RUNX1: variants seen among roughly 807,000 people sequenced by gnomAD.
RUNX1 encodes the protein RUNX family transcription factor 1.
RUNX1 carries 19 observed loss-of-function variants against 42.8 expected under a neutral mutation model. That is an observed-to-expected ratio of 0.44 (90% confidence interval 0.31 to 0.65). The LOEUF is 0.65. Among genes scored for constraint, RUNX1 ranks in the 30% least tolerant of loss-of-function variants. RUNX1 has a pLI of 0.07. For missense variants in RUNX1, 528 were observed against 672.0 expected (o/e 0.79, Z 2.37); for synonymous variants, 271 against 289.4 (o/e 0.94, Z 0.64).
chr21:34,842,669 C>T (rs2146122831), intron 6 of RUNX1, among the ~76,000 whole-genome samples: 1 of 152,222 alleles, frequency 6.6e-6, no homozygotes, highest in Middle Eastern at 3.4e-3. Context: ...CTCACACGCA[C>T]ACACAGAGAG....
chr21:34,826,134 A>G (rs2056983631), intron 7 of RUNX1, among the ~76,000 whole-genome samples: 1 of 152,208 alleles, frequency 6.6e-6, no homozygotes, highest in Admixed American at 6.5e-5. Flanking sequence ...ATGTCCCTCA[A>G]AAGTTCACAT....
At chr21:34,991,542 TACG>T (rs939813794) in intron 2 of RUNX1, among the ~76,000 whole-genome samples, 4 of 71,346 alleles carry the variant, frequency 5.6e-5, no homozygotes, top group East Asian at 3.1e-4. Flanking sequence ...TAGCAGGGAT[TACG>T]ATGATGATGA....
chr21:34,948,958 C>G lies in RUNX1; in HGVS notation c.59-55995G>C, dbSNP rs374747556. Among the ~76,000 whole-genome samples the G allele has an allele frequency of 2.9e-4, 44 of 152,142 alleles. 2 individuals are homozygous for G. The highest frequency in any genetic ancestry group is 1.0e-3 in the African/African-American group (43 of 41,524). On this transcript the variant is annotated intron_variant, in intron 2 of 8. Transcript: ENST00000675419. Reference sequence around the variant, plus strand: ...TTAAGTAGAGACAGGGTTTCACCATCTTGGCCAGGCTGGTCTTGAACTCCT... The same window carrying G: ...TTAAGTAGAGACAGGGTTTCACCATGTTGGCCAGGCTGGTCTTGAACTCCT...
rs2056467091 is a variant in RUNX1, at chr21:34,792,792, T to TTACCCAGGATGCTA, written c.968-196_968-183dup. Among the ~76,000 whole-genome samples the TTACCCAGGATGCTA allele has an allele frequency of 6.7e-6, 1 of 149,458 alleles. No individual in the cohort carries two copies. The highest frequency in any genetic ancestry group is 2.5e-5 in the African/African-American group (1 of 40,350). ...GATGCTACTCCCAAGAGGACGAGGA[T>TTACCCAGGATGCTA]TACCCAGGATGCTATACCCAGGGGG... On this transcript the variant is annotated intron_variant, in intron 8 of 8. Coordinates refer to ENST00000675419, the MANE Select transcript of RUNX1 (RefSeq NM_001754.5). The surrounding 1 kb of genome is among the most constrained non-coding windows in gnomAD (Gnocchi z 6.9).
At chr21:34,970,166 T>C (rs903410058) in intron 2 of RUNX1, among the ~76,000 whole-genome samples, 10 of 152,202 alleles carry the variant, frequency 6.6e-5, no homozygotes, top group African/African-American at 2.2e-4. Context: ...CTAAATGAAA[T>C]AGATGCTTTA....
At chr21:35,015,326 G>C (rs147507752) in intron 2 of RUNX1, among the ~76,000 whole-genome samples, 1 of 152,272 alleles carries the variant, frequency 6.6e-6, no homozygotes, top group Non-Finnish European at 1.5e-5. Flanking sequence ...TCTTCTTGTT[G>C]TTGCTAGGGG....
intron 6 of RUNX1, among the ~76,000 whole-genome samples, chr21:34,848,880 A>G (rs1436228079): frequency 6.6e-6 from 1 of 152,178 alleles, no homozygotes; most frequent in Non-Finnish European, 1.5e-5. Flanking sequence ...AAGTGAAAAT[A>G]AGGTGGTACC....
At position 34,991,993 on chromosome 21, in the gene RUNX1, A is replaced by T. The variant is rs540759285; in HGVS notation, c.58+56849T>A. On this transcript the variant is annotated intron_variant, in intron 2 of 8. Transcript: ENST00000675419. ...AAGAGGCAAGGAAGGATTTCCCCCT[A>T]GAGCCTGCACAGGGAGCAAGGGCCT... Among the ~76,000 whole-genome samples the T allele has an allele frequency of 4.1e-3, 622 of 152,330 alleles. 2 individuals are homozygous for T. The highest frequency in any genetic ancestry group is 6.5e-3 in the Admixed American group (99 of 15,308).
chr21:35,044,398 A>G (rs1255490140), intron 2 of RUNX1, among the ~76,000 whole-genome samples: 2 of 152,202 alleles, frequency 1.3e-5, no homozygotes, highest in Admixed American at 1.3e-4. Flanking sequence ...GAACATTGAT[A>G]GCCACCATTC....
chr21:34,905,018 C>A (rs938295107), intron 2 of RUNX1, among the ~76,000 whole-genome samples: 4 of 152,148 alleles, frequency 2.6e-5, no homozygotes, highest in African/African-American at 4.8e-5. Context: ...GGGGGCTCCA[C>A]TTTTAGTCTG....
At chr21:34,930,289 T>TATATATATATAAAAATAA (rs1555906453) in intron 2 of RUNX1, among the ~76,000 whole-genome samples, 2 of 137,334 alleles carry the variant, frequency 1.5e-5, no homozygotes, top group African/African-American at 6.3e-5. Flanking sequence ...TATATATATA[T>TATATATATATAAAAATAA]ATAAATAAAT....
At chr21:34,888,694 G>C (rs1466960926) in intron 3 of RUNX1, 1 of 1,038,010 alleles carries the variant, frequency 9.6e-7, no homozygotes, top group Non-Finnish European at 1.2e-6. Context: ...CTCTATGAAT[G>C]AGAGTGCCTG....
At chr21:34,889,637 C>T (rs1053567375) in intron 3 of RUNX1, 1 of 1,100,396 alleles carries the variant, frequency 9.1e-7, no homozygotes, top group Non-Finnish European at 1.1e-6. Flanking sequence ...CTCCTCTCCC[C>T]GCCCCCGTGC....
At chr21:34,828,202 G>A (rs2057015759) in intron 7 of RUNX1, among the ~76,000 whole-genome samples, 1 of 152,256 alleles carries the variant, frequency 6.6e-6, no homozygotes, top group Non-Finnish European at 1.5e-5. Context: ...GCAGAACATG[G>A]AGTCAAAGGA....
chr21:35,016,822 AC>A (rs2059162213), intron 2 of RUNX1, among the ~76,000 whole-genome samples: 1 of 152,038 alleles, frequency 6.6e-6, no homozygotes, highest in Non-Finnish European at 1.5e-5. Context: ...ACATTAGCCT[AC>A]TGAAGAGCCT....
chr21:34,835,381 G>A (rs2057131064), intron 6 of RUNX1, among the ~76,000 whole-genome samples: 1 of 152,058 alleles, frequency 6.6e-6, no homozygotes, highest in African/African-American at 2.4e-5. Flanking sequence ...TTCCCCAGGG[G>A]GCTCAGGACT....
chr21:34,967,421 C>T (rs2058729217), intron 2 of RUNX1, among the ~76,000 whole-genome samples: 2 of 150,218 alleles, frequency 1.3e-5, no homozygotes, highest in Admixed American at 1.3e-4. Flanking sequence ...CCTCACCAGG[C>T]CACCGAGACT....
intron 2 of RUNX1, among the ~76,000 whole-genome samples, chr21:35,025,368 T>C (rs1334603779): frequency 6.6e-6 from 1 of 152,178 alleles, no homozygotes; most frequent in Non-Finnish European, 1.5e-5. Flanking sequence ...TTCAAAGCTC[T>C]CATGGTCCAG....
chr21:34,869,448 ATG>A (rs1466596587), intron 5 of RUNX1, among the ~76,000 whole-genome samples: 3 of 152,138 alleles, frequency 2.0e-5, no homozygotes, highest in South Asian at 2.1e-4. Context: ...TCGCTAATAG[ATG>A]TGTGTGTTTT....
Sources: gnomAD v4.1 joint callset for allele counts (sites outside exome capture counted in the v4.1 genomes callset) on GRCh38, gnomAD v4.1.1 for gene constraint, Gnocchi (gnomAD v3.1) non-coding constraint, MANE v1.5 for transcripts, NCBI Gene and HGNC (gene_info 2026-07-23, HGNC 2026-07-21) for gene names.